HIPK2: variants seen among roughly 807,000 people sequenced by gnomAD.
The protein encoded by HIPK2 is homeodomain-interacting protein kinase 2.
A neutral mutation model predicts 113.7 loss-of-function variants in HIPK2; 27 were observed. The observed-to-expected ratio is 0.24, with a 90% CI of 0.17 to 0.33. HIPK2 has a LOEUF of 0.33. Among genes scored for constraint, HIPK2 ranks in the 10% least tolerant of loss-of-function variants. HIPK2 has a pLI of 1.00. For missense variants in HIPK2, 1,257 were observed against 1,588.0 expected (o/e 0.79, Z 3.54); for synonymous variants, 631 against 642.2 (o/e 0.98, Z 0.26).
intron 1 of HIPK2, chr7:139,776,927 A>T (rs1796770982): frequency 6.6e-6 from 1 of 152,180 alleles, no homozygotes; most frequent in Non-Finnish European, 1.5e-5. Flanking sequence ...ATGCCAGGTG[A>T]AGGTGCACAA....
chr7:139,657,558 C>T (rs984456391), intron 2 of HIPK2, among the ~76,000 whole-genome samples: 7 of 152,172 alleles, frequency 4.6e-5, no homozygotes, highest in Non-Finnish European at 8.8e-5. Context: ...CCTGGGTAGA[C>T]CTTTACTCTC....
chr7:139,738,485 G>C (rs1443558005), intron 1 of HIPK2, among the ~76,000 whole-genome samples: 1 of 152,208 alleles, frequency 6.6e-6, no homozygotes, highest in Non-Finnish European at 1.5e-5. Context: ...ATAGCTACTT[G>C]TGGCTAGTAG....
chr7:139,719,786 C>T (rs1238049944), intron 1 of HIPK2, among the ~76,000 whole-genome samples: 1 of 152,200 alleles, frequency 6.6e-6, no homozygotes, highest in Non-Finnish European at 1.5e-5. Context: ...GCATCCAATT[C>T]TTTATTTCTG....
chr7:139,682,637 A>G (rs933720102), intron 2 of HIPK2, among the ~76,000 whole-genome samples: 2 of 152,208 alleles, frequency 1.3e-5, no homozygotes, highest in Non-Finnish European at 2.9e-5. Context: ...AGCACCCTGC[A>G]CCATGTCCTG....
At chr7:139,750,339 G>T (rs957512395) in intron 1 of HIPK2, among the ~76,000 whole-genome samples, 1 of 152,188 alleles carries the variant, frequency 6.6e-6, no homozygotes, top group Non-Finnish European at 1.5e-5. Flanking sequence ...AACCTTACCA[G>T]GTCGATTCCT....
intron 2 of HIPK2, among the ~76,000 whole-genome samples, chr7:139,704,042 T>C (rs1475001292): frequency 8.8e-5 from 1 of 11,306 alleles, no homozygotes; most frequent in African/African-American, 1.6e-4. Flanking sequence ...ATATCCAACA[T>C]ACACACCCAA....
chr7:139,597,100 G>T, intron 11 of HIPK2, 102 bp from the exon 12 acceptor site: 1 of 1,277,708 alleles, frequency 7.8e-7, no homozygotes, highest in Non-Finnish European at 1.1e-6. Flanking sequence ...CCAAATCTCT[G>T]TAAAACACGT....
intron 1 of HIPK2, among the ~76,000 whole-genome samples, chr7:139,750,446 A>C (rs560841389): frequency 6.6e-6 from 1 of 152,336 alleles, no homozygotes; most frequent in Non-Finnish European, 1.5e-5. Flanking sequence ...GGATGTATAC[A>C]TCTATTCATA....
At chr7:139,621,023 C>T (rs749243926) in intron 6 of HIPK2, among the ~76,000 whole-genome samples, 1 of 152,208 alleles carries the variant, frequency 6.6e-6, no homozygotes, top group Non-Finnish European at 1.5e-5. Context: ...CCTGGGTCAC[C>T]AGCACCACCT....
rs1799891902 is a variant in HIPK2, at chr7:139,613,035, G to A, written c.2112+167C>T. ...TCTTGGAATTGTAAGCAGATACTTA[G>A]GAAGGTAATTCACTTGGGGACCATT... is the stretch of plus-strand genomic sequence containing the variant. On this transcript the variant is annotated intron_variant, in intron 9 of 14. Transcript: ENST00000406875. The surrounding 1 kb of genome is among the most constrained non-coding windows in gnomAD (Gnocchi z 4.2). 2 of 313,266 alleles carry A rather than the reference G, an allele frequency of 6.4e-6. No homozygotes were observed. The highest frequency in any genetic ancestry group is 4.6e-6 in the Non-Finnish European group (1 of 215,680). The allele number at this position is 313,266 out of a possible 1,614,324, so 19.4% of individuals were successfully genotyped here. A position where few individuals can be genotyped will look rare whatever the true frequency, so the allele number is the denominator to read the frequency against.
chr7:139,773,560 C>G (rs1796688744), intron 1 of HIPK2, among the ~76,000 whole-genome samples: 1 of 152,212 alleles, frequency 6.6e-6, no homozygotes, highest in Non-Finnish European at 1.5e-5. Context: ...ATCATCACTA[C>G]TTTGCTCCAC....
rs1311482417 is a variant in HIPK2, at chr7:139,631,582, T to G, written c.1227+20A>C. 3.7e-6 allele frequency: 6 copies of G among 1,607,588 alleles called. No homozygotes were observed. Among genetic ancestry groups the G allele is most frequent in the Non-Finnish European group, 5.1e-6 (6 of 1,177,788 alleles). ...GATGAAGAATGAGGTCTTGTGAATA[T>G]CTGTGTCATCTGGACCCACCTGATC... On this transcript the variant is annotated intron_variant, in intron 3 of 14. Transcript: ENST00000406875. This position sits in a 1 kb window ranked among gnomAD's most constrained non-coding sequence, Gnocchi z 4.9.
intron 2 of HIPK2, among the ~76,000 whole-genome samples, chr7:139,658,131 C>A (rs1337650527): frequency 6.6e-6 from 1 of 152,134 alleles, no homozygotes; most frequent in Non-Finnish European, 1.5e-5. Context: ...CATGGTGAAA[C>A]CCCGTCTCTA....
chr7:139,694,291 C>T (rs1283002562), intron 2 of HIPK2, among the ~76,000 whole-genome samples: 1 of 152,210 alleles, frequency 6.6e-6, no homozygotes, highest in East Asian at 1.9e-4. Flanking sequence ...TGTCCTTACA[C>T]GCTCCACAAG....
chr7:139,609,325 T>C lies in HIPK2; in HGVS notation c.2112+3877A>G, dbSNP rs139737184. The stretch of plus-strand genomic sequence containing the variant: ...GAATGATTACCATTTCCACCTGCCA[T>C]GCACACATCCTCTGGGTGCCCCACA... On this transcript the variant is annotated intron_variant, in intron 9 of 14. Transcript: ENST00000406875. Among the ~76,000 whole-genome samples, 426 of 152,306 alleles carry C rather than the reference T, an allele frequency of 2.8e-3. 1 individual carries two copies. Among genetic ancestry groups the C allele is most frequent in the Non-Finnish European group, 4.8e-3 (327 of 68,036 alleles).
intron 12 of HIPK2, among the ~76,000 whole-genome samples, chr7:139,592,386 G>C (rs1417734042): frequency 1.3e-5 from 2 of 152,258 alleles, no homozygotes; most frequent in African/African-American, 4.8e-5. Flanking sequence ...AATGGAGCTG[G>C]ACAAAATCAT....
At chr7:139,639,513 T>C (rs1585312192) in intron 2 of HIPK2, among the ~76,000 whole-genome samples, 2 of 152,172 alleles carry the variant, frequency 1.3e-5, no homozygotes, top group Admixed American at 1.3e-4. Context: ...CTAGCCAAGG[T>C]AGCAGCATAG....
At position 139,564,907 on chromosome 7, in the gene HIPK2, T is replaced by C. The variant is rs1289819594; in HGVS notation, c.*8020A>G. 6.6e-6 allele frequency: 1 copy of C among 152,192 alleles called. No homozygotes were observed. Among genetic ancestry groups the C allele is most frequent in the African/African-American group, 2.4e-5 (1 of 41,434 alleles). The allele number at this position is 152,192 out of a possible 1,614,324, so 9.4% of individuals were successfully genotyped here. ...TTACAGTAGCTAAAAACATATATACTTAACATGTGCATTTGAACATCGCAT... is the reference window on the plus strand; with the variant it reads ...TTACAGTAGCTAAAAACATATATACCTAACATGTGCATTTGAACATCGCAT... On this transcript the variant is annotated 3_prime_UTR_variant, in exon 15 of 15. Transcript: ENST00000406875.
chr7:139,754,670 A>G (rs763620836), intron 1 of HIPK2, among the ~76,000 whole-genome samples: 5 of 152,364 alleles, frequency 3.3e-5, no homozygotes, highest in East Asian at 1.9e-4. Flanking sequence ...CCAACAGAAC[A>G]AAGTGCTAAG....
Sources: gnomAD v4.1 joint callset for allele counts (sites outside exome capture counted in the v4.1 genomes callset) on GRCh38, gnomAD v4.1.1 for gene constraint, Gnocchi (gnomAD v3.1) non-coding constraint, MANE v1.5 for transcripts, NCBI Gene and HGNC (gene_info 2026-07-23, HGNC 2026-07-21) for gene names.